Variants in KCNIP1 observed in about 807,000 individuals in gnomAD.
KCNIP1 encodes potassium voltage-gated channel interacting protein 1, also known as A-type potassium channel modulatory protein KCNIP1.
In KCNIP1, 18 loss-of-function variants were observed where a neutral mutation model predicts 33.0. That is an observed-to-expected ratio of 0.55 (90% confidence interval 0.38 to 0.81). KCNIP1 has a LOEUF of 0.81. Among genes scored for constraint, KCNIP1 ranks in the 30% least tolerant of loss-of-function variants. The probability of loss-of-function intolerance (pLI) is 0.00; values close to 1 mark genes in which losing one functional copy is unlikely to be tolerated. For synonymous variants in KCNIP1, 93 were observed against 98.3 expected (o/e 0.95, Z 0.32); for missense variants, 238 against 271.6 (o/e 0.88, Z 0.87).
At chr5:170,675,475 G>A (rs2113780667) in intron 1 of KCNIP1, among the ~76,000 whole-genome samples, 1 of 152,142 alleles carries the variant, frequency 6.6e-6, no homozygotes, top group Non-Finnish European at 1.5e-5. Flanking sequence ...AAAAATATTA[G>A]CCGGGCATGG....
At chr5:170,602,926 G>T (rs1013675445) in intron 1 of KCNIP1, among the ~76,000 whole-genome samples, 1 of 152,202 alleles carries the variant, frequency 6.6e-6, no homozygotes, top group Non-Finnish European at 1.5e-5. Context: ...GCATCACACA[G>T]TTAGTGAGCA....
At chr5:170,732,386 T>C (rs773159016) in intron 5 of KCNIP1, among the ~76,000 whole-genome samples, 1 of 152,214 alleles carries the variant, frequency 6.6e-6, no homozygotes, top group Non-Finnish European at 1.5e-5. Context: ...GTGGATAATC[T>C]TGGCTGTTGG....
intron 5 of KCNIP1, among the ~76,000 whole-genome samples, chr5:170,724,039 C>T (rs1325064021): frequency 6.6e-6 from 1 of 152,096 alleles, no homozygotes; most frequent in East Asian, 1.9e-4. Flanking sequence ...TCCATATTCC[C>T]CTGGGAAGCT....
chr5:170,479,694 G>A (rs1009950112), intron 1 of KCNIP1, among the ~76,000 whole-genome samples: 1 of 152,296 alleles, frequency 6.6e-6, no homozygotes, highest in Non-Finnish European at 1.5e-5. Flanking sequence ...CCACATGGGG[G>A]CTCTGGAATC....
At chr5:170,680,867 CAT>C in intron 1 of KCNIP1, 1 of 389,286 alleles carries the variant, frequency 2.6e-6, no homozygotes, top group Non-Finnish European at 4.5e-6. Flanking sequence ...TACTATGAAA[CAT>C]AGAGATTACC....
intron 1 of KCNIP1, among the ~76,000 whole-genome samples, chr5:170,356,776 C>T (rs770404898): frequency 7.9e-5 from 12 of 152,166 alleles, no homozygotes; most frequent in Admixed American, 2.0e-4. Context: ...GCAACGGCAC[C>T]GCACGGCACA....
chr5:170,708,328 A>G (rs192265637), intron 1 of KCNIP1, among the ~76,000 whole-genome samples: 2 of 152,346 alleles, frequency 1.3e-5, no homozygotes, highest in African/African-American at 4.8e-5. Context: ...CATTAATACA[A>G]TGTCTAATGT....
chr5:170,682,264 G>A (rs1350848807), intron 1 of KCNIP1, among the ~76,000 whole-genome samples: 1 of 152,238 alleles, frequency 6.6e-6, no homozygotes, highest in Non-Finnish European at 1.5e-5. Context: ...AAAATTCTAG[G>A]TCTTGGTTTC....
intron 1 of KCNIP1, among the ~76,000 whole-genome samples, chr5:170,416,657 G>C (rs1053573101): frequency 2.0e-5 from 3 of 151,816 alleles, no homozygotes; most frequent in African/African-American, 7.3e-5. Flanking sequence ...AATAGTAACA[G>C]CTAATTTTTT....
intron 1 of KCNIP1, among the ~76,000 whole-genome samples, chr5:170,705,545 T>A (rs898236166): frequency 2.6e-5 from 4 of 152,236 alleles, no homozygotes; most frequent in Admixed American, 6.5e-5. Context: ...CCTATGCTTC[T>A]GGTGTCCACC....
chr5:170,493,106 A>ACC (rs1757241211), intron 1 of KCNIP1, among the ~76,000 whole-genome samples: 1 of 152,174 alleles, frequency 6.6e-6, no homozygotes, highest in Admixed American at 6.5e-5. Flanking sequence ...TGCAGGTCAA[A>ACC]TCCCTTAGCC....
chr5:170,390,517 A>AAAAAAT, intron 1 of KCNIP1, among the ~76,000 whole-genome samples: 4 of 74,544 alleles, frequency 5.4e-5, no homozygotes, highest in East Asian at 4.1e-4. Context: ...AAAAAAAACA[A>AAAAAAT]ATATATATAT....
chr5:170,464,289 A>G (rs1190327624), intron 1 of KCNIP1, among the ~76,000 whole-genome samples: 2 of 152,230 alleles, frequency 1.3e-5, no homozygotes, highest in South Asian at 2.1e-4. Flanking sequence ...AAAGTTTCAT[A>G]GCATTTTTTG....
intron 1 of KCNIP1, among the ~76,000 whole-genome samples, chr5:170,462,264 C>CAAAAAAAAAAAAAA (rs760686464): frequency 5.0e-4 from 26 of 51,870 alleles, no homozygotes; most frequent in East Asian, 1.6e-3. Context: ...AACAAATTAG[C>CAAAAAAAAAAAAAA]AAAAAAAAAA....
chr5:170,714,424 G>A (rs915060669), intron 1 of KCNIP1, among the ~76,000 whole-genome samples: 1 of 152,222 alleles, frequency 6.6e-6, no homozygotes, highest in African/African-American at 2.4e-5. Context: ...TTAGTGAGAA[G>A]GTTTAGAAGA....
At chr5:170,529,588 A>G (rs1317693755) in intron 1 of KCNIP1, among the ~76,000 whole-genome samples, 1 of 152,214 alleles carries the variant, frequency 6.6e-6, no homozygotes, top group Admixed American at 6.5e-5. Context: ...CACTTGCCCC[A>G]AACTCCAGCC....
chr5:170,705,746 T>C (rs2113844573), intron 1 of KCNIP1, among the ~76,000 whole-genome samples: 1 of 152,328 alleles, frequency 6.6e-6, no homozygotes, highest in East Asian at 1.9e-4. Flanking sequence ...GAAATCTTCC[T>C]ATACTGAAGA....
chr5:170,619,725 T>C (rs988757037), intron 1 of KCNIP1, among the ~76,000 whole-genome samples: 2 of 152,222 alleles, frequency 1.3e-5, no homozygotes, highest in African/African-American at 4.8e-5. Context: ...TTAGTTGTTA[T>C]GGGACCTTAA....
chr5:170,650,925 C>T (rs1561742352), intron 1 of KCNIP1, among the ~76,000 whole-genome samples: 1 of 152,170 alleles, frequency 6.6e-6, no homozygotes, highest in Admixed American at 6.5e-5. Context: ...CTAAAATATG[C>T]AAGGAGAATA....
Sources: gnomAD v4.1 joint callset for allele counts (sites outside exome capture counted in the v4.1 genomes callset) on GRCh38, gnomAD v4.1.1 for gene constraint, MANE v1.5 for transcripts, NCBI Gene and HGNC (gene_info 2026-07-23, HGNC 2026-07-21) for gene names.